TSHR: variants seen among roughly 807,000 people sequenced by gnomAD.
TSHR encodes the protein thyrotropin receptor.
A neutral mutation model predicts 64.1 loss-of-function variants in TSHR; 51 were observed. The ratio of observed to expected loss-of-function variants is 0.80; its 90% CI spans 0.64 to 1.01. The LOEUF (loss-of-function observed/expected upper bound fraction) is 1.01, where lower values mean the gene tolerates loss of function less well. Ranked by LOEUF, TSHR falls within the 50% of genes least tolerant of loss-of-function variation. The probability of loss-of-function intolerance (pLI) is 0.00; values close to 1 mark genes in which losing one functional copy is unlikely to be tolerated. For missense variants in TSHR, 877 were observed against 942.8 expected (o/e 0.93, Z 0.91); for synonymous variants, 361 against 361.9 (o/e 1.00, Z 0.03).
chr14:81,039,093 A>G (rs961278576), intron 1 of TSHR, among the ~76,000 whole-genome samples: 10 of 152,038 alleles, frequency 6.6e-5, no homozygotes, highest in Admixed American at 5.9e-4. Flanking sequence ...ACAACAAAGA[A>G]AGAAAACTAC....
intron 1 of TSHR, among the ~76,000 whole-genome samples, chr14:81,008,787 A>G (rs1367713262): frequency 1.3e-5 from 2 of 152,230 alleles, no homozygotes; most frequent in East Asian, 1.9e-4. Flanking sequence ...TGTAAGAATA[A>G]TGGAAATTTT....
Position 80,955,646 on chromosome 14 carries a change from G to A in TSHR, c.-35G>A. The A allele has an allele frequency of 2.0e-5, 32 of 1,612,540 alleles. No individual in the cohort carries two copies. Among genetic ancestry groups the A allele is most frequent in the Non-Finnish European group, 2.6e-5 (31 of 1,179,560 alleles). ...GCAGAGCTGAGAATGAGGCGATTTC[G>A]GAGGATGGAGAAATAGCCCCGAGTC... On this transcript the variant is annotated 5_prime_UTR_variant, in exon 1 of 10. Transcript: ENST00000298171.
chr14:80,968,840 A>T (rs1289742609), intron 1 of TSHR, among the ~76,000 whole-genome samples: 2 of 152,138 alleles, frequency 1.3e-5, no homozygotes, highest in Non-Finnish European at 2.9e-5. Context: ...TCAATAGAGA[A>T]ACTCCTTTAT....
At chr14:81,048,186 C>T (rs1169126847) in intron 1 of TSHR, among the ~76,000 whole-genome samples, 1 of 152,124 alleles carries the variant, frequency 6.6e-6, no homozygotes, top group African/African-American at 2.4e-5. Context: ...ACCCTACTTC[C>T]TTCACTAAAG....
chr14:80,993,705 G>A (rs1888861601), intron 1 of TSHR: 1 of 152,056 alleles, frequency 6.6e-6, no homozygotes, highest in African/African-American at 2.4e-5. Flanking sequence ...ACCCCACTTT[G>A]CAGAGAACTG....
intron 1 of TSHR, among the ~76,000 whole-genome samples, chr14:81,018,115 C>T (rs7148630): frequency 0.85 from 128,850 of 152,144 alleles, 54,900 homozygotes; most frequent in East Asian, 0.96. Context: ...ACAATAGTAC[C>T]TAACATACTC....
chr14:80,971,214 C>T (rs1887573662), intron 1 of TSHR, among the ~76,000 whole-genome samples: 1 of 152,172 alleles, frequency 6.6e-6, no homozygotes, highest in South Asian at 2.1e-4. Flanking sequence ...TGCCCCCAAC[C>T]TTCAGATTTC....
chr14:81,016,061 T>C (rs1031516747), intron 1 of TSHR, among the ~76,000 whole-genome samples: 3 of 152,226 alleles, frequency 2.0e-5, no homozygotes, highest in African/African-American at 7.2e-5. Context: ...ATCTTGACTA[T>C]TGTGAATAAT....
At chr14:80,972,791 G>A (rs1306827767) in intron 1 of TSHR, among the ~76,000 whole-genome samples, 1 of 152,108 alleles carries the variant, frequency 6.6e-6, no homozygotes, top group Non-Finnish European at 1.5e-5. Flanking sequence ...CCAGCCCCTG[G>A]AAACCAGGAA....
chr14:81,026,458 A>T (rs1475438023), intron 1 of TSHR, among the ~76,000 whole-genome samples: 1 of 152,220 alleles, frequency 6.6e-6, no homozygotes, highest in African/African-American at 2.4e-5. Flanking sequence ...ATGCAAAAAT[A>T]ACCCTATTTA....
At chr14:80,993,472 T>C (rs374280477) in intron 1 of TSHR, 2 of 152,198 alleles carry the variant, frequency 1.3e-5, no homozygotes, top group African/African-American at 4.8e-5. Context: ...TCTAGATTAG[T>C]GATCTCCAGA....
At chr14:80,968,847 T>C (rs1887446550) in intron 1 of TSHR, among the ~76,000 whole-genome samples, 1 of 152,188 alleles carries the variant, frequency 6.6e-6, no homozygotes, top group Admixed American at 6.5e-5. Context: ...AGAAACTCCT[T>C]TATTTACCTA....
intron 1 of TSHR, among the ~76,000 whole-genome samples, chr14:80,989,420 C>T (rs1356538363): frequency 6.6e-6 from 1 of 152,200 alleles, no homozygotes. Flanking sequence ...TGGCAGTCGA[C>T]ATCTTCCATT....
rs112022157 is a variant in TSHR at position 81,090,830 on chromosome 14, G to A, written c.393-239G>A. Among the ~76,000 whole-genome samples, 938 of 152,212 alleles carry A rather than the reference G, an allele frequency of 6.2e-3. 11 individuals carry two copies. Among genetic ancestry groups the A allele is most frequent in the African/African-American group, 0.02 (840 of 41,520 alleles). On this transcript the variant is annotated intron_variant, in intron 4 of 9. Transcript: ENST00000298171. ...AACAATCTCCAGAGCATTCTAAGCC[G>A]AGCAGATGTATTGACACCAGTGGAC...
chr14:81,000,264 T>TAATACCACCCCAGCAATCAGTTGC (rs71103893), intron 1 of TSHR, among the ~76,000 whole-genome samples: 1 of 151,808 alleles, frequency 6.6e-6, no homozygotes, highest in African/African-American at 2.4e-5. Context: ...ACTGACATTG[T>TAATACCACCCCAGCAATCAGTTGC]AAACCAGAAT....
chr14:81,114,450 C>A (rs1025920040), intron 8 of TSHR, among the ~76,000 whole-genome samples: 2 of 152,192 alleles, frequency 1.3e-5, no homozygotes, highest in African/African-American at 4.8e-5. Flanking sequence ...TCGCTCCCAC[C>A]CGAATACTGC....
chr14:81,062,633 C>T (rs944857357), intron 2 of TSHR, among the ~76,000 whole-genome samples: 13 of 152,060 alleles, frequency 8.5e-5, no homozygotes, highest in Admixed American at 5.3e-4. Flanking sequence ...CAAATATTTA[C>T]ATTTTGTTAT....
intron 7 of TSHR, among the ~76,000 whole-genome samples, 157 bp downstream of exon 7, chr14:81,096,864 G>A (rs1595106074): frequency 1.3e-5 from 2 of 151,888 alleles, no homozygotes; most frequent in African/African-American, 4.9e-5. Flanking sequence ...CTTGGCAGGG[G>A]CCCACTTTAG....
rs2140111207 is a variant in TSHR, at chr14:81,143,511, G to A, written c.1453G>A (p.Ala485Thr). ...CACTCACTCTGAGTACTACAACCAT[G>A]CCATCGACTGGCAGACAGGCCCTGG... The part of the protein sequence containing the change: ...LYTHSEYYNH[A>T]IDWQTGPGCN... Residue 485 changes from alanine to threonine, a missense_variant, in exon 10 of 10, where the codon GCC (alanine) becomes ACC (threonine). Coordinates refer to ENST00000298171, the MANE Select transcript of TSHR (RefSeq NM_000369.5). The A allele has an allele frequency of 1.2e-6, 2 of 1,613,706 alleles. No homozygotes were observed.
Sources: gnomAD v4.1 joint callset for allele counts (sites outside exome capture counted in the v4.1 genomes callset) on GRCh38, gnomAD v4.1.1 for gene constraint, MANE v1.5 for transcripts, NCBI Gene and HGNC (gene_info 2026-07-23, HGNC 2026-07-21) for gene names.